LIX1: variants seen among roughly 807,000 people sequenced by gnomAD.
LIX1 encodes the protein limb and CNS expressed 1.
A neutral mutation model predicts 33.4 loss-of-function variants in LIX1; 24 were observed. The observed-to-expected ratio is 0.72, with a 90% confidence interval of 0.52 to 1.01. The LOEUF is 1.01. Among genes scored for constraint, LIX1 ranks in the 50% least tolerant of loss-of-function variants. The pLI, the probability that LIX1 is intolerant of heterozygous loss-of-function variation, is 0.00. For missense variants in LIX1, 311 were observed against 339.2 expected (o/e 0.92, Z 0.65); for synonymous variants, 124 against 124.0 (o/e 1.00, Z 0.00).
Position 97,094,949 on chromosome 5 carries a change from G to A in LIX1, c.648C>T (p.Asp216=), listed in dbSNP as rs1374574514. ...GCTCTTGAGAGACAATTCCTGGTGA[G>A]TCCCGCTCCTTCATGATCCAGTCCA... is the stretch of plus-strand genomic sequence containing the variant. The part of the protein sequence containing the change: ...MALDWIMKER[D]SPGIVSQELR... The change falls in exon 6 of 6, where the codon GAC becomes GAT. Residue 216 remains aspartate, a synonymous_variant. Transcript: ENST00000274382. 1 of 1,614,008 alleles carries A rather than the reference G, an allele frequency of 6.2e-7. No homozygotes were observed. The highest frequency in any genetic ancestry group is 8.5e-7 in the Non-Finnish European group (1 of 1,180,024).
intron 1 of LIX1, among the ~76,000 whole-genome samples, chr5:97,139,409 G>A (rs1312204947): frequency 6.6e-6 from 1 of 152,212 alleles, no homozygotes; most frequent in African/African-American, 2.4e-5. Context: ...CTATCTTGAA[G>A]TCATGTGGTG....
chr5:97,096,700 T>C lies in LIX1; in HGVS notation c.561+110A>G, dbSNP rs988150783. On this transcript the variant is annotated intron_variant, in intron 5 of 5. Coordinates refer to ENST00000274382, the MANE Select transcript of LIX1 (RefSeq NM_153234.5). ...TGTCCTCTGCTCTTAATAAATAAGG[T>C]ACCAAATTTATATTTGGAAAAATCC... The C allele has an allele frequency of 2.2e-5, 17 of 763,188 alleles. No individual in the cohort carries two copies. In the African/African-American group the frequency reaches 2.8e-4, roughly 13 times the overall value. The allele number at this position is 763,188 out of a possible 1,614,324, so 47.3% of individuals were successfully genotyped here. A position where few individuals can be genotyped will look rare whatever the true frequency, so the allele number is the denominator to read the frequency against.
At chr5:97,136,639 G>A (rs1748177724) in intron 1 of LIX1, among the ~76,000 whole-genome samples, 1 of 152,094 alleles carries the variant, frequency 6.6e-6, no homozygotes, top group African/African-American at 2.4e-5. Context: ...AAACTAAATA[G>A]CACAGGCCAT....
At chr5:97,119,724 T>A (rs1747732156) in intron 2 of LIX1, among the ~76,000 whole-genome samples, 1 of 152,128 alleles carries the variant, frequency 6.6e-6, no homozygotes, top group Non-Finnish European at 1.5e-5. Context: ...AGTTTTTCAT[T>A]TTGTTTCCTA....
chr5:97,096,811 T>C lies in LIX1; in HGVS notation c.560A>G (p.Gln187Arg), dbSNP rs1182548152. The C allele has an allele frequency of 6.2e-7, 1 of 1,610,682 alleles. No homozygotes were observed. Among genetic ancestry groups the C allele is most frequent in the Non-Finnish European group, 8.5e-7 (1 of 1,176,858 alleles). The change falls in exon 5 of 6, where the codon CAG (glutamine) becomes CGG (arginine). Residue 187 changes from glutamine (Q) to arginine (R), a missense_variant and splice_region_variant. Physicochemically the swap from Gln to Arg is conservative, Grantham distance 43 (BLOSUM62 1). Coordinates refer to ENST00000274382, the MANE Select transcript of LIX1 (RefSeq NM_153234.5). ...KALRETKCSR[Q>R]EVISYYSQYS... ...TTAGACTTGATTAGAAAATCTTACC[T>C]GTCGGGAACACTTTGTTTCACGAAG...
In LIX1 at chr5:97,095,028, A is replaced by G. The variant is rs1746301524; in HGVS notation, c.569T>C (p.Ile190Thr). The change falls in exon 6 of 6, where the codon ATC becomes ACC. Residue 190 changes from isoleucine to threonine, a missense_variant. Transcript: ENST00000274382. ...TAGAGAATACTGAGAATAGTAGGAG[A>G]TGACTTCCTGGGGGCCAAGAAACAA... Reference protein sequence around the residue: ...RETKCSRQEVISYYSQYSLDE... With the variant: ...RETKCSRQEVTSYYSQYSLDE... 1 of 1,612,638 alleles carries G rather than the reference A, an allele frequency of 6.2e-7. No homozygotes were observed. The highest frequency in any genetic ancestry group is 1.7e-5 in the Admixed American group (1 of 59,940).
chr5:97,107,055 A>G (rs1211172413), intron 3 of LIX1, among the ~76,000 whole-genome samples: 2 of 152,216 alleles, frequency 1.3e-5, no homozygotes, highest in African/African-American at 2.4e-5. Flanking sequence ...CTCAGGCCCT[A>G]AAAGAATCAA....
intron 4 of LIX1, among the ~76,000 whole-genome samples, chr5:97,100,619 A>G (rs1186313491): frequency 6.6e-6 from 1 of 152,184 alleles, no homozygotes; most frequent in Non-Finnish European, 1.5e-5. Context: ...ACTCCAGGAA[A>G]TCTTTGCATG....
intron 4 of LIX1, among the ~76,000 whole-genome samples, chr5:97,100,537 CTTCT>C (rs1746639530): frequency 6.6e-6 from 1 of 152,138 alleles, no homozygotes; most frequent in Non-Finnish European, 1.5e-5. Context: ...TTTTGTCTCA[CTTCT>C]TTATTTCCCC....
chr5:97,107,383 G>A lies in LIX1; in HGVS notation c.364C>T (p.Gln122Ter). The change falls in exon 3 of 6, where the codon CAG becomes TAG. Residue 122 changes from glutamine to a stop codon, truncating the protein, a stop_gained. Transcript: ENST00000274382. LOFTEE classifies it high-confidence loss of function. ...ITKEFIMESV[Q>*]EAVASTSGTL... ...ACGCTGGTGGAGGCTACTGCTTCCTGAACACTTTCCATAATGAATTCCTTG... is the reference window on the plus strand; with the variant it reads ...ACGCTGGTGGAGGCTACTGCTTCCTAAACACTTTCCATAATGAATTCCTTG... 2 of 1,612,332 alleles carry A rather than the reference G, an allele frequency of 1.2e-6. No homozygotes were observed. Among genetic ancestry groups the A allele is most frequent in the African/African-American group, 2.7e-5 (2 of 74,984 alleles).
At position 97,097,244 on chromosome 5, in the gene LIX1, A is replaced by AT. The variant is rs1174546699; in HGVS notation, c.484-358dup. On this transcript the variant is annotated intron_variant, in intron 4 of 5. Coordinates refer to ENST00000274382, the MANE Select transcript of LIX1 (RefSeq NM_153234.5). ...TATAGGCAAGGTTTTACATTGTATC[A>AT]TTTTTTAAAATTGCTCGAGACTGAC... Among the ~76,000 whole-genome samples, 6 of 152,340 alleles carry AT rather than the reference A, an allele frequency of 3.9e-5. No homozygotes were observed. The East Asian group carries it at 9.6e-4, about 24-fold the overall frequency.
chr5:97,094,626 G>C lies in LIX1; in HGVS notation c.*122C>G, dbSNP rs1746248933. On this transcript the variant is annotated 3_prime_UTR_variant, in exon 6 of 6. Transcript: ENST00000274382. ...ATACTCTGTAAATGGAATGTGTGGA[G>C]AGGGTTAGGAGAGCCTTCAGGTAGT... is the stretch of plus-strand genomic sequence containing the variant. 1 of 840,006 alleles carries C rather than the reference G, an allele frequency of 1.2e-6. No individual in the cohort carries two copies. The highest frequency in any genetic ancestry group is 1.7e-5 in the African/African-American group (1 of 58,460). 52.0% of individuals were successfully genotyped at this position (840,006 alleles called of 1,614,324 possible). A position where few individuals can be genotyped will look rare whatever the true frequency, so the allele number is the denominator to read the frequency against.
At chr5:97,096,219 A>T (rs1045740129) in intron 5 of LIX1, among the ~76,000 whole-genome samples, 1 of 152,198 alleles carries the variant, frequency 6.6e-6, no homozygotes. Context: ...ATTAGCTATT[A>T]AAAAAGGGGG....
chr5:97,117,423 G>A (rs1747662224), intron 2 of LIX1, among the ~76,000 whole-genome samples: 1 of 152,190 alleles, frequency 6.6e-6, no homozygotes, highest in Non-Finnish European at 1.5e-5. Context: ...GTCAAGGCCA[G>A]GCCTTATTTA....
At chr5:97,131,433 A>G (rs1290335920) in intron 1 of LIX1, among the ~76,000 whole-genome samples, 2 of 152,126 alleles carry the variant, frequency 1.3e-5, no homozygotes, top group African/African-American at 2.4e-5. Flanking sequence ...GAGTGGCCCT[A>G]TGTCTTAGCA....
At chr5:97,137,170 G>T in intron 1 of LIX1, 1 of 436,702 alleles carries the variant, frequency 2.3e-6, no homozygotes, top group South Asian at 1.7e-5. Context: ...TGTTAAAATT[G>T]AGTTCAGACT....
intron 1 of LIX1, among the ~76,000 whole-genome samples, chr5:97,133,341 T>C (rs190831841): frequency 6.6e-6 from 1 of 152,310 alleles, no homozygotes; most frequent in East Asian, 1.9e-4. Context: ...CTGTGGAATG[T>C]AGTGTCTACA....
chr5:97,113,705 G>A (rs928449487), intron 2 of LIX1, among the ~76,000 whole-genome samples: 5 of 152,178 alleles, frequency 3.3e-5, no homozygotes, highest in African/African-American at 1.2e-4. Context: ...GCTCTTCACA[G>A]AAATGGCCAC....
At chr5:97,109,208 A>G (rs535847516) in intron 2 of LIX1, among the ~76,000 whole-genome samples, 142 of 152,266 alleles carry the variant, frequency 9.3e-4, no homozygotes, top group Middle Eastern at 6.8e-3. Flanking sequence ...GACTATGGGT[A>G]ACTTCTTGCC....
Sources: allele counts gnomAD v4.1 joint callset (sites outside exome capture counted in the v4.1 genomes callset), GRCh38; gene constraint gnomAD v4.1.1; transcripts MANE v1.5; gene names NCBI Gene and HGNC (gene_info 2026-07-23, HGNC 2026-07-21).